The following GPC5 variants were observed in gnomAD, a reference collection of about 807,000 sequenced individuals.
GPC5 encodes glypican-5.
A neutral mutation model predicts 53.9 loss-of-function variants in GPC5; 47 were observed. The ratio of observed to expected loss-of-function variants is 0.87; its 90% CI spans 0.69 to 1.11. The LOEUF (loss-of-function observed/expected upper bound fraction) is 1.11, where lower values mean the gene tolerates loss of function less well. Ranked by LOEUF, GPC5 falls within the 50% of genes most tolerant of loss-of-function variation. The probability of loss-of-function intolerance (pLI) is 0.00; values close to 1 mark genes in which losing one functional copy is unlikely to be tolerated. For missense variants in GPC5, 748 were observed against 713.1 expected (o/e 1.05, Z -0.56); for synonymous variants, 286 against 263.3 (o/e 1.09, Z -0.84).
chr13:92,336,088 G>A (rs924879427), intron 7 of GPC5, among the ~76,000 whole-genome samples: 1 of 152,050 alleles, frequency 6.6e-6, no homozygotes, highest in African/African-American at 2.4e-5. Flanking sequence ...AATGTTCATT[G>A]GATGTATATA....
chr13:92,316,793 G>A (rs2043182218), intron 7 of GPC5, among the ~76,000 whole-genome samples: 1 of 151,932 alleles, frequency 6.6e-6, no homozygotes, highest in Non-Finnish European at 1.5e-5. Context: ...AGGGGTTCTG[G>A]GTCAAATTTT....
chr13:92,463,648 C>A (rs1878580556), intron 7 of GPC5, among the ~76,000 whole-genome samples: 1 of 152,134 alleles, frequency 6.6e-6, no homozygotes, highest in African/African-American at 2.4e-5. Context: ...TTATAAGATA[C>A]TGTGTAATTC....
intron 6 of GPC5, among the ~76,000 whole-genome samples, chr13:92,045,122 C>A (rs1158172314): frequency 6.6e-6 from 1 of 152,142 alleles, no homozygotes; most frequent in Non-Finnish European, 1.5e-5. Flanking sequence ...CTCCATAGAA[C>A]TTGTACCCCC....
chr13:91,817,800 C>T (rs777127537), intron 5 of GPC5, among the ~76,000 whole-genome samples: 1 of 152,256 alleles, frequency 6.6e-6, no homozygotes, highest in South Asian at 2.1e-4. Flanking sequence ...GCAATCTCCC[C>T]ATTCTTTCAA....
intron 7 of GPC5, among the ~76,000 whole-genome samples, chr13:92,252,130 A>T (rs2042696683): frequency 6.6e-6 from 1 of 152,174 alleles, no homozygotes; most frequent in Non-Finnish European, 1.5e-5. Flanking sequence ...AGCACTCAAG[A>T]CTGAGAAAGC....
At chr13:92,268,550 T>C (rs1184180942) in intron 7 of GPC5, among the ~76,000 whole-genome samples, 1 of 151,994 alleles carries the variant, frequency 6.6e-6, no homozygotes, top group Non-Finnish European at 1.5e-5. Flanking sequence ...TTTAACCAGC[T>C]CTATATGATG....
At chr13:91,772,512 A>G (rs1046376765) in intron 5 of GPC5, among the ~76,000 whole-genome samples, 16 of 152,288 alleles carry the variant, frequency 1.1e-4, no homozygotes, top group African/African-American at 3.8e-4. Flanking sequence ...TGGTTTTGAT[A>G]TAAGAACTCT....
chr13:91,815,440 AT>A (rs2038384686), intron 5 of GPC5, among the ~76,000 whole-genome samples: 1 of 151,950 alleles, frequency 6.6e-6, no homozygotes, highest in Non-Finnish European at 1.5e-5. Flanking sequence ...TTACTCCCCT[AT>A]TTTCCTTTCC....
chr13:92,810,514 A>G lies in GPC5; in HGVS notation c.1562-55768A>G, dbSNP rs190429235. 5.9e-5 allele frequency among the ~76,000 whole-genome samples: 9 copies of G among 152,010 alleles called. No individual in the cohort carries two copies. The East Asian group carries it at 1.7e-3, about 29-fold the overall frequency. On this transcript the variant is annotated intron_variant, in intron 7 of 7. Transcript: ENST00000377067. ...TGGCATTCATTATATTTACACTGTT[A>G]TATCACCATCACCTCTCTAGTTCCA...
chr13:91,507,831 T>C (rs1449624171), intron 2 of GPC5, among the ~76,000 whole-genome samples: 1 of 152,206 alleles, frequency 6.6e-6, no homozygotes, highest in East Asian at 1.9e-4. Context: ...GGTGAAATTA[T>C]ATCATATATA....
chr13:92,215,990 G>A (rs1159689058), intron 7 of GPC5, among the ~76,000 whole-genome samples: 1 of 152,152 alleles, frequency 6.6e-6, no homozygotes, highest in Non-Finnish European at 1.5e-5. Flanking sequence ...CCAACAATGT[G>A]TTTGGATGCC....
chr13:91,424,897 C>T (rs1414650396), intron 1 of GPC5, among the ~76,000 whole-genome samples: 1 of 152,098 alleles, frequency 6.6e-6, no homozygotes, highest in African/African-American at 2.4e-5. Context: ...AGCAAAGGTA[C>T]TAATTAAAAA....
At chr13:91,402,396 C>T (rs1229834498) in intron 1 of GPC5, among the ~76,000 whole-genome samples, 1 of 152,128 alleles carries the variant, frequency 6.6e-6, no homozygotes, top group Non-Finnish European at 1.5e-5. Context: ...GTTTTTTAAA[C>T]TGCTTTCATT....
intron 7 of GPC5, among the ~76,000 whole-genome samples, chr13:92,741,292 G>C (rs1260001877): frequency 6.6e-6 from 1 of 151,678 alleles, no homozygotes; most frequent in Admixed American, 6.6e-5. Context: ...GAGCGGAACT[G>C]GTTGCTTTAT....
At chr13:91,517,645 A>G (rs1222340064) in intron 2 of GPC5, among the ~76,000 whole-genome samples, 1 of 152,148 alleles carries the variant, frequency 6.6e-6, no homozygotes, top group African/African-American at 2.4e-5. Flanking sequence ...GTATCTTTTC[A>G]ACAATGCCCC....
At chr13:92,005,526 T>C (rs1260637216) in intron 6 of GPC5, among the ~76,000 whole-genome samples, 2 of 152,188 alleles carry the variant, frequency 1.3e-5, no homozygotes, top group African/African-American at 2.4e-5. Context: ...CTTTCAGGGT[T>C]CCTTATCCTC....
intron 7 of GPC5, among the ~76,000 whole-genome samples, chr13:92,433,276 A>G (rs1877172277): frequency 6.6e-6 from 1 of 152,122 alleles, no homozygotes; most frequent in Non-Finnish European, 1.5e-5. Flanking sequence ...AAGGCAGAAT[A>G]TCTAGATACA....
At chr13:92,130,547 A>G (rs968264956) in intron 6 of GPC5, among the ~76,000 whole-genome samples, 4 of 152,098 alleles carry the variant, frequency 2.6e-5, no homozygotes, top group South Asian at 2.1e-4. Context: ...AGGAAATAAT[A>G]CAAAAGAAAG....
chr13:92,798,657 T>C (rs1876791989), intron 7 of GPC5, among the ~76,000 whole-genome samples: 1 of 151,892 alleles, frequency 6.6e-6, no homozygotes, highest in Non-Finnish European at 1.5e-5. Flanking sequence ...GTACTAGAGA[T>C]GAAGTATGAT....
Sources: gnomAD v4.1 joint callset for allele counts (sites outside exome capture counted in the v4.1 genomes callset) on GRCh38, gnomAD v4.1.1 for gene constraint, MANE v1.5 for transcripts, NCBI Gene and HGNC (gene_info 2026-07-23, HGNC 2026-07-21) for gene names.